Variants in PEAK1 observed in about 807,000 individuals in gnomAD.
PEAK1 encodes pseudopodium enriched atypical kinase 1.
In PEAK1, 54 loss-of-function variants were observed where a neutral mutation model predicts 124.7. That is an observed-to-expected ratio of 0.43 (90% CI 0.35 to 0.54). The LOEUF is 0.54. PEAK1 is among the 20% of genes least tolerant of loss of function. PEAK1 has a pLI of 0.01. For synonymous variants in PEAK1, 719 were observed against 760.0 expected (o/e 0.95, Z 0.89); for missense variants, 2,046 against 2,134.5 (o/e 0.96, Z 0.82).
At chr15:77,175,049 A>C (rs1159518656) in intron 7 of PEAK1, among the ~76,000 whole-genome samples, 1 of 151,768 alleles carries the variant, frequency 6.6e-6, no homozygotes, top group Non-Finnish European at 1.5e-5. Flanking sequence ...GGCTAGCCAT[A>C]TGTAGAAAGC....
chr15:77,341,613 C>T (rs2066539931), intron 2 of PEAK1, among the ~76,000 whole-genome samples: 1 of 152,154 alleles, frequency 6.6e-6, no homozygotes, highest in Non-Finnish European at 1.5e-5. Context: ...CTCAAACCCT[C>T]CTACTCCCAC....
chr15:77,134,646 G>A (rs1351275461), intron 8 of PEAK1, among the ~76,000 whole-genome samples: 2 of 152,148 alleles, frequency 1.3e-5, no homozygotes, highest in Non-Finnish European at 1.5e-5. Context: ...GTATAACAGA[G>A]AGAACACATT....
At chr15:77,132,025 GTACA>G (rs2152739459) in intron 9 of PEAK1, among the ~76,000 whole-genome samples, 1 of 152,200 alleles carries the variant, frequency 6.6e-6, no homozygotes, top group South Asian at 2.1e-4. Context: ...GCAGTGAAAG[GTACA>G]TAACAGACCT....
rs148972633 is a variant in PEAK1, at chr15:77,186,839, C to A, written c.-114-4799G>T. 2.2e-3 allele frequency among the ~76,000 whole-genome samples: 340 copies of A among 152,334 alleles called. 1 individual carries two copies. Among genetic ancestry groups the A allele is most frequent in the Non-Finnish European group, 3.9e-3 (264 of 68,026 alleles). ...ATAGAGGGGGAATCTGTACCAGATG[C>A]AGGTCTGTCCAAAGAGCAATCCTTG... On this transcript the variant is annotated intron_variant, in intron 6 of 9. Coordinates refer to ENST00000682557, the MANE Select transcript of PEAK1 (RefSeq NM_001385026.1).
intron 2 of PEAK1, among the ~76,000 whole-genome samples, chr15:77,321,744 T>G (rs1415486425): frequency 6.6e-6 from 1 of 152,234 alleles, no homozygotes; most frequent in Non-Finnish European, 1.5e-5. Context: ...GCCTATGTCC[T>G]GAATGGTATT....
At chr15:77,118,226 T>C (rs925677451) in intron 9 of PEAK1, among the ~76,000 whole-genome samples, 1 of 152,206 alleles carries the variant, frequency 6.6e-6, no homozygotes, top group Non-Finnish European at 1.5e-5. Context: ...AGAGTGATTT[T>C]ACTTGGTTCA....
chr15:77,347,543 C>T, intron 2 of PEAK1: 1 of 985,360 alleles, frequency 1.0e-6, no homozygotes, highest in Non-Finnish European at 1.2e-6. Context: ...CATAAATGAA[C>T]TCCAATCACA....
chr15:77,174,996 T>C (rs1192704229), intron 7 of PEAK1, among the ~76,000 whole-genome samples: 1 of 151,066 alleles, frequency 6.6e-6, no homozygotes, highest in African/African-American at 2.4e-5. Context: ...AAACAAGCAA[T>C]GGGGAAAGGA....
chr15:77,329,695 G>A (rs2065786528), intron 2 of PEAK1, among the ~76,000 whole-genome samples: 1 of 152,084 alleles, frequency 6.6e-6, no homozygotes, highest in African/African-American at 2.4e-5. Context: ...CCATTCTGTT[G>A]AACTATATTG....
rs147062717 is a variant in PEAK1 at position 77,217,682 on chromosome 15, T to C, written c.-115+34685A>G. ...AGTTAATAATGTAAAATATACCGCA[T>C]TGATGTGGTTAAATCCCCAGGACCC... On this transcript the variant is annotated intron_variant, in intron 6 of 9. Transcript: ENST00000682557. Among the ~76,000 whole-genome samples, 727 of 152,300 alleles carry C rather than the reference T, an allele frequency of 4.8e-3. 4 individuals carry two copies. Among genetic ancestry groups the C allele is most frequent in the African/African-American group, 0.016 (674 of 41,562 alleles).
chr15:77,372,547 A>G (rs1191197), intron 1 of PEAK1, among the ~76,000 whole-genome samples: 151,566 of 152,340 alleles, frequency 0.99, 75,401 homozygotes, highest in East Asian at 1. Flanking sequence ...TCACACTCTT[A>G]CTCTATGAAT....
At chr15:77,418,050 G>T in intron 1 of PEAK1, 1 of 982,100 alleles carries the variant, frequency 1.0e-6, no homozygotes. Flanking sequence ...TTATGAAGTG[G>T]CATTATTTCT....
chr15:77,368,134 T>C (rs921454563), intron 1 of PEAK1, among the ~76,000 whole-genome samples: 6 of 152,236 alleles, frequency 3.9e-5, no homozygotes, highest in African/African-American at 1.4e-4. Context: ...GAATGTATTA[T>C]AATGTGTGAA....
At chr15:77,138,688 C>T (rs1414178854) in intron 8 of PEAK1, among the ~76,000 whole-genome samples, 3 of 151,956 alleles carry the variant, frequency 2.0e-5, no homozygotes, top group Non-Finnish European at 2.9e-5. Context: ...ACATGGAAAC[C>T]GTGTCTGTAC....
rs746749300 is a variant in PEAK1 at position 77,133,672 on chromosome 15, C to T, written c.3410G>A (p.Gly1137Glu). The change falls in exon 9 of 10, where the codon GGA (glycine) becomes GAA (glutamate). Residue 1137 changes from glycine to glutamate, a missense_variant. Gly to Glu is a moderately conservative substitution (Grantham distance 98). Transcript: ENST00000682557. The surrounding 1 kb of genome is among the most constrained non-coding windows in gnomAD (Gnocchi z 4.2). ...KGAVDDAIAF[G>E]GKTDQEAPNA... ...GGGTGCTTCTTGGTCTGTTTTCCCT[C>T]CAAAGGCGATGGCATCGTCCACAGC... is the stretch of plus-strand genomic sequence containing the variant. 1 of 1,613,960 alleles carries T rather than the reference C, an allele frequency of 6.2e-7. No homozygotes were observed. Among genetic ancestry groups the T allele is most frequent in the Non-Finnish European group, 8.5e-7 (1 of 1,180,004 alleles).
intron 2 of PEAK1, among the ~76,000 whole-genome samples, chr15:77,315,102 G>T (rs2064789436): frequency 6.6e-6 from 1 of 152,144 alleles, no homozygotes; most frequent in East Asian, 1.9e-4. Context: ...TATTACCCAT[G>T]GGACAAAATT....
At chr15:77,322,455 C>A (rs182470016) in intron 2 of PEAK1, among the ~76,000 whole-genome samples, 5 of 151,994 alleles carry the variant, frequency 3.3e-5, no homozygotes, top group Non-Finnish European at 7.4e-5. Context: ...ATATCACCAC[C>A]GATCCCACAG....
chr15:77,385,095 G>C (rs181970906), intron 1 of PEAK1, among the ~76,000 whole-genome samples: 12 of 152,188 alleles, frequency 7.9e-5, no homozygotes, highest in Non-Finnish European at 1.5e-4. Flanking sequence ...AGTTGATTCA[G>C]CAACTCAGGT....
chr15:77,374,680 G>A (rs2068876189), intron 1 of PEAK1, among the ~76,000 whole-genome samples: 1 of 152,082 alleles, frequency 6.6e-6, no homozygotes, highest in Non-Finnish European at 1.5e-5. Flanking sequence ...TTTTCTGGTA[G>A]AAAAATTGTC....
Sources: allele counts gnomAD v4.1 joint callset (sites outside exome capture counted in the v4.1 genomes callset), GRCh38; gene constraint gnomAD v4.1.1; non-coding constraint Gnocchi (gnomAD v3.1); transcripts MANE v1.5; gene names NCBI Gene and HGNC (gene_info 2026-07-23, HGNC 2026-07-21).